Variants in SPAG16 observed in about 807,000 individuals in gnomAD.
SPAG16 encodes the protein sperm-associated antigen 16 protein.
In SPAG16, 86 loss-of-function variants were observed where a neutral mutation model predicts 80.4. That is an observed-to-expected ratio of 1.07 (90% CI 0.90 to 1.28). SPAG16 has a LOEUF of 1.28. SPAG16 is among the 50% of genes most tolerant of loss of function. The probability of loss-of-function intolerance (pLI) is 0.00; values close to 1 mark genes in which losing one functional copy is unlikely to be tolerated. For missense variants in SPAG16, 870 were observed against 765.3 expected (o/e 1.14, Z -1.61); for synonymous variants, 294 against 265.9 (o/e 1.11, Z -1.03).
chr2:213,818,054 A>G (rs536193361), intron 10 of SPAG16, among the ~76,000 whole-genome samples: 1 of 152,268 alleles, frequency 6.6e-6, no homozygotes, highest in African/African-American at 2.4e-5. Context: ...TTTCTTCCCC[A>G]TCCCCAAGCA....
intron 13 of SPAG16, among the ~76,000 whole-genome samples, chr2:214,064,598 G>C (rs527577457): frequency 1.3e-5 from 2 of 151,974 alleles, no homozygotes; most frequent in South Asian, 4.1e-4. Context: ...TCAGTTCATA[G>C]TCTTTGCAAT....
intron 13 of SPAG16, among the ~76,000 whole-genome samples, chr2:214,047,318 C>T (rs1331339866): frequency 6.6e-6 from 1 of 152,076 alleles, no homozygotes; most frequent in Admixed American, 6.6e-5. Flanking sequence ...ATAACCAAAG[C>T]AGCATGATAC....
At chr2:214,152,502 A>G (rs2056020658) in intron 15 of SPAG16, among the ~76,000 whole-genome samples, 1 of 152,136 alleles carries the variant, frequency 6.6e-6, no homozygotes, top group Non-Finnish European at 1.5e-5. Context: ...GATATTCTCT[A>G]ATAAGGAACT....
At chr2:213,794,948 G>T (rs2070930889) in intron 10 of SPAG16, among the ~76,000 whole-genome samples, 1 of 152,030 alleles carries the variant, frequency 6.6e-6, no homozygotes, top group African/African-American at 2.4e-5. Flanking sequence ...TTTGGCTTTA[G>T]AATGTTAATT....
chr2:213,428,986 G>A (rs1440900932), intron 9 of SPAG16, among the ~76,000 whole-genome samples: 1 of 151,910 alleles, frequency 6.6e-6, no homozygotes, highest in African/African-American at 2.4e-5. Context: ...CAGCTACTCA[G>A]GAGGCTAAGG....
intron 15 of SPAG16, among the ~76,000 whole-genome samples, chr2:214,249,369 G>A (rs1347528570): frequency 6.6e-6 from 1 of 151,944 alleles, no homozygotes; most frequent in Admixed American, 6.6e-5. Flanking sequence ...CATAAAAGTT[G>A]ACTGTTTACC....
intron 15 of SPAG16, among the ~76,000 whole-genome samples, chr2:214,380,305 G>C (rs184139279): frequency 2.0e-5 from 3 of 152,256 alleles, no homozygotes; most frequent in African/African-American, 7.2e-5. Context: ...CAAAATGTTT[G>C]TTAGCATTTG....
intron 10 of SPAG16, among the ~76,000 whole-genome samples, chr2:213,524,106 T>G (rs1297376648): frequency 6.6e-6 from 1 of 152,190 alleles, no homozygotes; most frequent in Non-Finnish European, 1.5e-5. Flanking sequence ...CCCCTTGCTG[T>G]GTGCAGCCTA....
rs559677986 is a variant in SPAG16, at chr2:213,663,651, C to T, written c.1070+173561C>T. ...CAGTCTTCCACAAGAAACATTGAAACATTTTGATAAGGATTTATTGAGAAA... is the reference window on the plus strand; with the variant it reads ...CAGTCTTCCACAAGAAACATTGAAATATTTTGATAAGGATTTATTGAGAAA... On this transcript the variant is annotated intron_variant, in intron 10 of 15. Transcript: ENST00000331683. 3.9e-5 allele frequency among the ~76,000 whole-genome samples: 6 copies of T among 152,144 alleles called. No individual in the cohort carries two copies. The South Asian group carries it at 6.2e-4, about 16-fold the overall frequency.
At chr2:213,470,246 G>C (rs2073005040) in intron 9 of SPAG16, among the ~76,000 whole-genome samples, 1 of 152,174 alleles carries the variant, frequency 6.6e-6, no homozygotes, top group South Asian at 2.1e-4. Flanking sequence ...GCTGCTTCAG[G>C]ATGATGGGGA....
intron 10 of SPAG16, among the ~76,000 whole-genome samples, chr2:213,826,179 C>T (rs544630101): frequency 4.6e-5 from 7 of 151,470 alleles, no homozygotes; most frequent in African/African-American, 1.7e-4. Context: ...TTGTTAACTT[C>T]GTTTATCTTT....
chr2:214,132,439 T>C (rs2054826917), intron 14 of SPAG16, among the ~76,000 whole-genome samples: 1 of 152,208 alleles, frequency 6.6e-6, no homozygotes, highest in African/African-American at 2.4e-5. Context: ...TTGCTGTAGT[T>C]ACATTTAAAG....
chr2:213,710,854 G>A (rs554634218), intron 10 of SPAG16, among the ~76,000 whole-genome samples: 6 of 152,094 alleles, frequency 3.9e-5, no homozygotes, highest in Non-Finnish European at 8.8e-5. Context: ...ATGTAATGTG[G>A]CCATTTAATG....
intron 7 of SPAG16, among the ~76,000 whole-genome samples, chr2:213,355,228 T>C (rs1559447106): frequency 6.6e-6 from 1 of 152,364 alleles, no homozygotes; most frequent in African/African-American, 2.4e-5. Context: ...TCTATATATC[T>C]GTTTTGGTAC....
chr2:213,734,369 A>G (rs755697283), intron 10 of SPAG16, among the ~76,000 whole-genome samples: 4 of 152,214 alleles, frequency 2.6e-5, no homozygotes, highest in Non-Finnish European at 4.4e-5. Context: ...CACCAAACCA[A>G]GAGAAAAAAG....
In SPAG16 at chr2:213,460,122, T is replaced by C. The variant is rs183242359; in HGVS notation, c.943-29841T>C. ...TTCTGCCACTCACCTTTGCAGACTT[T>C]CCATTCCTGTCTACATCTACTATCT... On this transcript the variant is annotated intron_variant, in intron 9 of 15. Coordinates refer to ENST00000331683, the MANE Select transcript of SPAG16 (RefSeq NM_024532.5). 2.2e-3 allele frequency among the ~76,000 whole-genome samples: 328 copies of C among 152,364 alleles called. 2 individuals are homozygous for C. Among genetic ancestry groups the C allele is most frequent in the African/African-American group, 7.5e-3 (311 of 41,600 alleles).
rs1237894126 is a variant in SPAG16 at position 214,012,280 on chromosome 2, A to ATTTT, written c.1401-1670_1401-1669insTTTT. Among the ~76,000 whole-genome samples the ATTTT allele has an allele frequency of 1.3e-3, 61 of 46,340 alleles. 1 individual carries two copies. Among genetic ancestry groups the ATTTT allele is most frequent in the South Asian group, 4.5e-3 (3 of 662 alleles). The allele number at this position is 46,340 out of a possible 152,430, so 30.4% of individuals were successfully genotyped here. A position where few individuals can be genotyped will look rare whatever the true frequency, so the allele number is the denominator to read the frequency against. On this transcript the variant is annotated intron_variant, in intron 12 of 15. Transcript: ENST00000331683. ...CTTACATATATATATATATATATAT[A>ATTTT]TATATATATTTTTTTTTTTTTTTTT...
intron 10 of SPAG16, among the ~76,000 whole-genome samples, chr2:213,575,117 A>G (rs2060079224): frequency 6.6e-6 from 1 of 152,148 alleles, no homozygotes; most frequent in Non-Finnish European, 1.5e-5. Context: ...TGCTACTAGT[A>G]TCTCTAAAGT....
At chr2:213,355,550 T>C (rs2065591442) in intron 7 of SPAG16, among the ~76,000 whole-genome samples, 1 of 152,210 alleles carries the variant, frequency 6.6e-6, no homozygotes. Context: ...TGAGCAGTGG[T>C]TTTTAGTTCT....
Sources: gnomAD v4.1 joint callset for allele counts (sites outside exome capture counted in the v4.1 genomes callset) on GRCh38, gnomAD v4.1.1 for gene constraint, MANE v1.5 for transcripts, NCBI Gene and HGNC (gene_info 2026-07-23, HGNC 2026-07-21) for gene names.